Variants in CNTNAP2 observed in about 807,000 individuals in gnomAD.
CNTNAP2 encodes contactin associated protein 2, also known as contactin-associated protein-like 2.
CNTNAP2 carries 98 observed loss-of-function variants against 155.2 expected under a neutral mutation model. The ratio of observed to expected loss-of-function variants is 0.63; its 90% CI spans 0.54 to 0.75. The LOEUF (loss-of-function observed/expected upper bound fraction) is 0.75. Ranked by LOEUF, CNTNAP2 falls within the 30% of genes least tolerant of loss-of-function variation. The pLI is 0.00. For synonymous variants in CNTNAP2, 651 were observed against 631.2 expected (o/e 1.03, Z -0.47); for missense variants, 1,727 against 1,688.1 (o/e 1.02, Z -0.40).
Position 146,647,106 on chromosome 7 carries a change from A to G in CNTNAP2, c.98-127165A>G, listed in dbSNP as rs190037268. 8.5e-5 allele frequency among the ~76,000 whole-genome samples: 13 copies of G among 152,268 alleles called. No individual in the cohort carries two copies. In the East Asian group the frequency reaches 1.2e-3, roughly 14 times the overall value. ...ACTGAGGGCAGAGTCTGTAGTGCCA[A>G]TGGGTGAAGGGATAACAAGAGGCAG... On this transcript the variant is annotated intron_variant, in intron 1 of 23. Coordinates refer to ENST00000361727, the MANE Select transcript of CNTNAP2 (RefSeq NM_014141.6).
rs1797543828 is a variant in CNTNAP2 at position 146,516,504 on chromosome 7, C to T, written c.98-257767C>T. Among the ~76,000 whole-genome samples, 3 of 151,952 alleles carry T rather than the reference C, an allele frequency of 2.0e-5. No individual in the cohort carries two copies. The South Asian group carries it at 6.2e-4, about 31-fold the overall frequency. ...TACAGCAGGATGGTCTGGGAATGGG[C>T]ATTTTGCGGCAGTATTGAATTTTCA... On this transcript the variant is annotated intron_variant, in intron 1 of 23. Coordinates refer to ENST00000361727, the MANE Select transcript of CNTNAP2 (RefSeq NM_014141.6).
At chr7:146,626,001 G>T (rs1563162241) in intron 1 of CNTNAP2, among the ~76,000 whole-genome samples, 1 of 151,996 alleles carries the variant, frequency 6.6e-6, no homozygotes, top group Non-Finnish European at 1.5e-5. Flanking sequence ...TTTGGAAATG[G>T]ATGAATCATT....
intron 13 of CNTNAP2, among the ~76,000 whole-genome samples, chr7:147,872,386 T>C (rs1289995523): frequency 1.3e-5 from 2 of 152,200 alleles, no homozygotes; most frequent in African/African-American, 2.4e-5. Flanking sequence ...GAGTAAATAT[T>C]ATTTAACTTA....
chr7:147,304,611 G>A (rs888727798), intron 9 of CNTNAP2, among the ~76,000 whole-genome samples: 8 of 152,120 alleles, frequency 5.3e-5, no homozygotes, highest in Admixed American at 3.3e-4. Context: ...AACTCAATGG[G>A]GAAGCAGGCA....
intron 13 of CNTNAP2, among the ~76,000 whole-genome samples, chr7:147,802,454 A>C (rs1201004022): frequency 2.0e-5 from 3 of 152,120 alleles, no homozygotes; most frequent in Admixed American, 2.0e-4. Flanking sequence ...TAGCGAGCCG[A>C]GATCAGGCCA....
chr7:147,616,484 T>A (rs1584857308), intron 12 of CNTNAP2, among the ~76,000 whole-genome samples: 2 of 152,202 alleles, frequency 1.3e-5, no homozygotes, highest in African/African-American at 4.8e-5. Flanking sequence ...CCTACTCTTT[T>A]CTCTCTTTAT....
At chr7:147,270,577 A>T (rs761079100) in intron 8 of CNTNAP2, among the ~76,000 whole-genome samples, 1 of 152,224 alleles carries the variant, frequency 6.6e-6, no homozygotes, top group African/African-American at 2.4e-5. Flanking sequence ...GGCTGTATGT[A>T]CATCGCCACC....
At chr7:147,026,494 T>C (rs1166809494) in intron 3 of CNTNAP2, among the ~76,000 whole-genome samples, 1 of 152,118 alleles carries the variant, frequency 6.6e-6, no homozygotes, top group Non-Finnish European at 1.5e-5. Flanking sequence ...ATTTTACTTA[T>C]AGAATTCAAA....
Position 148,419,543 on chromosome 7 carries a change from C to G in CNTNAP2, c.*3927C>G, listed in dbSNP as rs1800068501. 1 of 152,204 alleles carries G rather than the reference C, an allele frequency of 6.6e-6. No individual in the cohort carries two copies. Among genetic ancestry groups the G allele is most frequent in the Non-Finnish European group, 1.5e-5 (1 of 68,120 alleles). 9.4% of individuals were successfully genotyped at this position (152,204 alleles called of 1,614,324 possible). ...CCTCCTCCCACATTGAGGCGATTCT[C>G]CTGCCTCAGCCTCCCAAGTAGCTGG... is the stretch of plus-strand genomic sequence containing the variant. On this transcript the variant is annotated 3_prime_UTR_variant, in exon 24 of 24. Coordinates refer to ENST00000361727, the MANE Select transcript of CNTNAP2 (RefSeq NM_014141.6).
At chr7:147,416,434 G>T (rs771178966) in intron 10 of CNTNAP2, among the ~76,000 whole-genome samples, 3 of 152,104 alleles carry the variant, frequency 2.0e-5, no homozygotes, top group Non-Finnish European at 4.4e-5. Context: ...TTTTGTGAGT[G>T]CAGACTTAGT....
At chr7:146,122,407 A>G (rs1052015901) in intron 1 of CNTNAP2, among the ~76,000 whole-genome samples, 1 of 152,338 alleles carries the variant, frequency 6.6e-6, no homozygotes, top group Middle Eastern at 3.4e-3. Context: ...ATACTTATAT[A>G]AAGAATGTTA....
chr7:148,295,782 C>T (rs747085522), intron 21 of CNTNAP2, among the ~76,000 whole-genome samples: 2 of 151,956 alleles, frequency 1.3e-5, no homozygotes, highest in Non-Finnish European at 1.5e-5. Context: ...TGAGCCAACG[C>T]GCCCGGCCTC....
intron 13 of CNTNAP2, among the ~76,000 whole-genome samples, chr7:147,687,771 G>C (rs966987831): frequency 6.6e-6 from 1 of 151,958 alleles, no homozygotes; most frequent in East Asian, 1.9e-4. Context: ...AGAGAGAGAA[G>C]GCAAGGGGCA....
chr7:147,237,047 C>CTGTTTTTTTTTTTTTTTT (rs1163209983), intron 8 of CNTNAP2, among the ~76,000 whole-genome samples: 1 of 97,910 alleles, frequency 1.0e-5, no homozygotes, highest in African/African-American at 3.5e-5. Flanking sequence ...CCTTCACCTC[C>CTGTTTTTTTTTTTTTTTT]TCTTTTTTTT....
At chr7:146,163,587 A>ATC (rs1002266001) in intron 1 of CNTNAP2, among the ~76,000 whole-genome samples, 18 of 144,436 alleles carry the variant, frequency 1.2e-4, no homozygotes, top group African/African-American at 3.8e-4. Flanking sequence ...CTATCTATCT[A>ATC]TATATATATA....
Position 146,985,308 on chromosome 7 carries a change from A to ATTTTTTTTTTT in CNTNAP2, c.403-58580_403-58570dup, listed in dbSNP as rs71165057. Among the ~76,000 whole-genome samples the ATTTTTTTTTTT allele has an allele frequency of 2.0e-4, 25 of 127,848 alleles. 1 individual carries two copies. Among genetic ancestry groups the ATTTTTTTTTTT allele is most frequent in the African/African-American group, 6.6e-4 (21 of 32,014 alleles). 83.9% of individuals were successfully genotyped at this position (127,848 alleles called of 152,430 possible). On this transcript the variant is annotated intron_variant, in intron 3 of 23. Transcript: ENST00000361727. ...CAAAGTGCTTGTGGAAAATGCTTGA[A>ATTTTTTTTTTT]TTTTTTTTTTTTTTTTTTTTTTTTT...
At chr7:146,763,011 A>G (rs1170235061) in intron 1 of CNTNAP2, among the ~76,000 whole-genome samples, 1 of 152,110 alleles carries the variant, frequency 6.6e-6, no homozygotes, top group Non-Finnish European at 1.5e-5. Context: ...TACAAAGCCC[A>G]CAACATGTGG....
intron 14 of CNTNAP2, among the ~76,000 whole-genome samples, chr7:147,969,509 T>C (rs1038461446): frequency 6.6e-6 from 1 of 152,172 alleles, no homozygotes; most frequent in Non-Finnish European, 1.5e-5. Flanking sequence ...TCCAAAACAA[T>C]GGCCTCCCAT....
chr7:147,922,965 G>A (rs1800310977), intron 14 of CNTNAP2, among the ~76,000 whole-genome samples: 1 of 151,110 alleles, frequency 6.6e-6, no homozygotes, highest in African/African-American at 2.4e-5. Context: ...CAGGTTATAG[G>A]AGTTTCCAGC....
Sources: allele counts gnomAD v4.1 joint callset (sites outside exome capture counted in the v4.1 genomes callset), GRCh38; gene constraint gnomAD v4.1.1; transcripts MANE v1.5; gene names NCBI Gene and HGNC (gene_info 2026-07-23, HGNC 2026-07-21).